MARCHF10: variants seen among roughly 807,000 people sequenced by gnomAD.
The protein encoded by MARCHF10 is probable E3 ubiquitin-protein ligase MARCHF10.
A neutral mutation model predicts 76.2 loss-of-function variants in MARCHF10; 64 were observed. The ratio of observed to expected loss-of-function variants is 0.84; its 90% CI spans 0.69 to 1.03. The LOEUF (loss-of-function observed/expected upper bound fraction) is 1.03. Among genes scored for constraint, MARCHF10 ranks in the 50% least tolerant of loss-of-function variants. MARCHF10 has a pLI of 0.00. For synonymous variants in MARCHF10, 340 were observed against 357.5 expected, an observed-to-expected ratio of 0.95 and a Z score of 0.55; for missense variants, 875 against 958.0, an observed-to-expected ratio of 0.91 and a Z score of 1.14.
At chr17:62,783,014 T>C (rs2092686272) in intron 3 of MARCHF10, among the ~76,000 whole-genome samples, 1 of 152,112 alleles carries the variant, frequency 6.6e-6, no homozygotes, top group South Asian at 2.1e-4. Flanking sequence ...CTTTTCTCAG[T>C]AGAGAAGATG....
At chr17:62,728,449 T>C (rs1162158927) in intron 6 of MARCHF10, among the ~76,000 whole-genome samples, 1 of 152,180 alleles carries the variant, frequency 6.6e-6, no homozygotes, top group Non-Finnish European at 1.5e-5. Context: ...TGGCCACCTC[T>C]CTCTACTAAA....
intron 4 of MARCHF10, among the ~76,000 whole-genome samples, chr17:62,751,615 A>C (rs1033065515): frequency 4.6e-5 from 7 of 152,146 alleles, no homozygotes; most frequent in Admixed American, 4.6e-4. Flanking sequence ...AGGAATTTTT[A>C]TTTTTATGAA....
chr17:62,780,026 G>C (rs1210185367), intron 3 of MARCHF10, among the ~76,000 whole-genome samples: 3 of 152,086 alleles, frequency 2.0e-5, no homozygotes, highest in South Asian at 2.1e-4. Flanking sequence ...GAACCTGGGA[G>C]GTGGAGGTGG....
At position 62,778,963 on chromosome 17, in the gene MARCHF10, G is replaced by A. The variant is rs768331709; in HGVS notation, c.210+9517C>T. 3.0e-4 allele frequency among the ~76,000 whole-genome samples: 45 copies of A among 152,158 alleles called. 1 individual carries two copies. Among genetic ancestry groups the A allele is most frequent in the South Asian group, 1.4e-3 (7 of 4,828 alleles). ...CTGAGGGGCTTGTGGGACCTGCCACGGTGAACAGAGCAACGGCTAAAATGG... is the reference window on the plus strand; with the variant it reads ...CTGAGGGGCTTGTGGGACCTGCCACAGTGAACAGAGCAACGGCTAAAATGG... On this transcript the variant is annotated intron_variant, in intron 3 of 10. Transcript: ENST00000311269.
chr17:62,722,626 A>G (rs758527883), intron 7 of MARCHF10, 29 bp from the exon 8 acceptor site: 1 of 1,575,196 alleles, frequency 6.3e-7, no homozygotes, highest in South Asian at 1.1e-5. Flanking sequence ...TTATATGTAC[A>G]TATAACCATG....
At chr17:62,731,823 T>C (rs2091035980) in intron 6 of MARCHF10, among the ~76,000 whole-genome samples, 1 of 152,174 alleles carries the variant, frequency 6.6e-6, no homozygotes, top group Non-Finnish European at 1.5e-5. Context: ...TAGACACATT[T>C]AATATAAGCA....
intron 5 of MARCHF10, among the ~76,000 whole-genome samples, chr17:62,742,165 A>C (rs1193581227): frequency 1.3e-5 from 2 of 151,518 alleles, no homozygotes; most frequent in Non-Finnish European, 2.9e-5. Flanking sequence ...GATTACAGGC[A>C]TGTGCCACCA....
chr17:62,746,346 T>C (rs1315969617), intron 4 of MARCHF10, among the ~76,000 whole-genome samples: 1 of 151,216 alleles, frequency 6.6e-6, no homozygotes, highest in Non-Finnish European at 1.5e-5. Context: ...AAGGAGAGAG[T>C]GAAAGTTCTC....
intron 5 of MARCHF10, among the ~76,000 whole-genome samples, chr17:62,740,079 T>C (rs62075163): frequency 1.3e-3 from 98 of 78,058 alleles, no homozygotes; most frequent in African/African-American, 3.3e-3. Context: ...TGTGTGTGTG[T>C]GTGCGTGTGT....
chr17:62,794,774 A>G (rs1422050890), intron 2 of MARCHF10, among the ~76,000 whole-genome samples: 1 of 152,130 alleles, frequency 6.6e-6, no homozygotes, highest in Non-Finnish European at 1.5e-5. Context: ...CTGTTCCTCT[A>G]TCTCAGGATG....
intron 3 of MARCHF10, among the ~76,000 whole-genome samples, chr17:62,787,976 A>C (rs534563876): frequency 6.8e-4 from 104 of 152,290 alleles, no homozygotes; most frequent in African/African-American, 2.4e-3. Context: ...ATATTTTATC[A>C]TCATATTGCT....
intron 4 of MARCHF10, among the ~76,000 whole-genome samples, chr17:62,755,363 G>C (rs1442076687): frequency 6.6e-6 from 1 of 152,158 alleles, no homozygotes; most frequent in African/African-American, 2.4e-5. Context: ...CAGCACAGTG[G>C]CCTCTGGATG....
intron 3 of MARCHF10, among the ~76,000 whole-genome samples, chr17:62,782,131 C>T (rs1271912124): frequency 6.6e-6 from 1 of 152,046 alleles, no homozygotes; most frequent in Non-Finnish European, 1.5e-5. Context: ...ACTCTAGTGC[C>T]TGATGCAACA....
chr17:62,770,543 C>CTTTTTTTT (rs35664995), intron 3 of MARCHF10, among the ~76,000 whole-genome samples: 1 of 136,542 alleles, frequency 7.3e-6, no homozygotes, highest in African/African-American at 2.7e-5. Context: ...TGTATTTTGA[C>CTTTTTTTT]TTTTTTTTTT....
chr17:62,761,670 T>C (rs1283012707), intron 3 of MARCHF10, among the ~76,000 whole-genome samples: 5 of 152,150 alleles, frequency 3.3e-5, no homozygotes, highest in Admixed American at 6.5e-5. Context: ...GATCAACCCA[T>C]CTCAGCCTCC....
At chr17:62,759,746 C>T in intron 4 of MARCHF10, 89 bp downstream of exon 4, 1 of 1,364,030 alleles carries the variant, frequency 7.3e-7, no homozygotes, top group South Asian at 1.4e-5. Context: ...GCTGGGATTA[C>T]AGGCGTGAGC....
intron 1 of MARCHF10, among the ~76,000 whole-genome samples, chr17:62,803,707 G>T (rs1216608709): frequency 6.6e-6 from 1 of 152,036 alleles, no homozygotes; most frequent in Non-Finnish European, 1.5e-5. Context: ...GTAGAGGCGA[G>T]GTTTCACCAT....
chr17:62,719,981 A>G (rs1318626508), intron 8 of MARCHF10, among the ~76,000 whole-genome samples: 2 of 152,238 alleles, frequency 1.3e-5, no homozygotes, highest in African/African-American at 4.8e-5. Context: ...CATCAAAGGC[A>G]TTCTTCATTT....
intron 1 of MARCHF10, among the ~76,000 whole-genome samples, chr17:62,803,764 C>T (rs188616640): frequency 6.6e-6 from 1 of 152,286 alleles, no homozygotes; most frequent in East Asian, 1.9e-4. Flanking sequence ...GATCTGCCCA[C>T]CTTGGCCTCC....
Sources: gnomAD v4.1 joint callset for allele counts (sites outside exome capture counted in the v4.1 genomes callset) on GRCh38, gnomAD v4.1.1 for gene constraint, MANE v1.5 for transcripts, NCBI Gene and HGNC (gene_info 2026-07-23, HGNC 2026-07-21) for gene names.